Variants in FAM184B observed in about 807,000 individuals in gnomAD.
The protein encoded by FAM184B is family with sequence similarity 184 member B.
FAM184B carries 111 observed loss-of-function variants against 135.9 expected under a neutral mutation model. The ratio of observed to expected loss-of-function variants is 0.82; its 90% CI spans 0.70 to 0.96. The LOEUF (loss-of-function observed/expected upper bound fraction) is 0.96, where lower values mean the gene tolerates loss of function less well. FAM184B is among the 40% of genes least tolerant of loss of function. FAM184B has a pLI of 0.00. For missense variants in FAM184B, 1,375 were observed against 1,323.9 expected, an observed-to-expected ratio of 1.04 and a Z score of -0.60; for synonymous variants, 552 against 524.8, an observed-to-expected ratio of 1.05 and a Z score of -0.71.
chr4:17,731,698 A>T (rs1030435268), intron 1 of FAM184B, among the ~76,000 whole-genome samples: 1 of 152,224 alleles, frequency 6.6e-6, no homozygotes, highest in African/African-American at 2.4e-5. Context: ...GTGACCTACA[A>T]AGAGACTTAG....
At position 17,709,507 on chromosome 4, in the gene FAM184B, C is replaced by T. The variant is rs1389527525; in HGVS notation, c.279G>A (p.Glu93=). 9 of 1,550,804 alleles carry T rather than the reference C, an allele frequency of 5.8e-6. No individual in the cohort carries two copies. Among genetic ancestry groups the T allele is most frequent in the Middle Eastern group, 1.7e-4 (1 of 5,966 alleles). The change falls in exon 2 of 18, where the codon GAG becomes GAA. Residue 93 remains glutamate, a synonymous_variant. Transcript: ENST00000265018. ...GGATGCGCTGTAGAAGGGCTTCCTCCTCTGCGCAGCCCTGTTCCTGCAGGA... is the reference window on the plus strand; with the variant it reads ...GGATGCGCTGTAGAAGGGCTTCCTCTTCTGCGCAGCCCTGTTCCTGCAGGA... ...ARLLQEQGCA[E]EEALLQRIQA...
At chr4:17,712,765 G>A (rs1717309578) in intron 1 of FAM184B, among the ~76,000 whole-genome samples, 1 of 151,998 alleles carries the variant, frequency 6.6e-6, no homozygotes, top group Non-Finnish European at 1.5e-5. Flanking sequence ...AGCTTTGTAT[G>A]GCTTTAAAAA....
At chr4:17,761,756 T>C (rs1389188386) in intron 1 of FAM184B, among the ~76,000 whole-genome samples, 1 of 152,124 alleles carries the variant, frequency 6.6e-6, no homozygotes, top group African/African-American at 2.4e-5. Flanking sequence ...CCTGACCTCA[T>C]GTGATCCACC....
rs777100610 is a variant in FAM184B at position 17,707,655 on chromosome 4, G to T, written c.1024C>A (p.Gln342Lys). The T allele has an allele frequency of 1.2e-5, 18 of 1,551,730 alleles. No homozygotes were observed. In the South Asian group the frequency reaches 1.4e-4, roughly 12 times the overall value. ...MMLQECRGTQ[Q>K]TDAMKTELVS... Reference sequence around the variant, plus strand: ...TCATTCCAGGGCATCTCACCTGTCTGCTGTGTCCCACGACACTCCTGCAGC... The same window carrying T: ...TCATTCCAGGGCATCTCACCTGTCTTCTGTGTCCCACGACACTCCTGCAGC... The change falls in exon 3 of 18, where the codon CAG (glutamine) becomes AAG (lysine). Residue 342 changes from glutamine (Q) to lysine (K), a missense_variant. By Grantham distance (53) the Gln-to-Lys change is moderately conservative. Transcript: ENST00000265018.
chr4:17,718,176 A>C (rs1459329597), intron 1 of FAM184B, among the ~76,000 whole-genome samples: 2 of 152,098 alleles, frequency 1.3e-5, no homozygotes, highest in African/African-American at 4.8e-5. Context: ...CCTTCACAGC[A>C]CTCTTAAGCA....
intron 1 of FAM184B, among the ~76,000 whole-genome samples, chr4:17,765,179 T>A (rs1324007312): frequency 6.6e-6 from 1 of 152,232 alleles, no homozygotes; most frequent in East Asian, 1.9e-4. Flanking sequence ...GCTTTTAAAA[T>A]GGCAAGCTTT....
At position 17,652,916 on chromosome 4, in the gene FAM184B, A is replaced by G; in HGVS notation, c.2105T>C (p.Leu702Pro). 1.3e-6 allele frequency: 2 copies of G among 1,551,740 alleles called. No homozygotes were observed. The highest frequency in any genetic ancestry group is 1.7e-6 in the Non-Finnish European group (2 of 1,146,998). The change falls in exon 11 of 18, where the codon CTG becomes CCG. Residue 702 changes from leucine (L) to proline (P), a missense_variant. Physicochemically the swap from Leu to Pro is moderately conservative, Grantham distance 98 (BLOSUM62 -3). Coordinates refer to ENST00000265018, the MANE Select transcript of FAM184B (RefSeq NM_015688.2). The stretch of plus-strand genomic sequence containing the variant: ...CTTTTCCTCCAAGGCCTGGAGCTCC[A>G]GTCGGTGTGTCTGGTGTTGGATCTG... ...SLQIQHQTHRLELQALEEKAR... is the reference protein window; with the variant it reads ...SLQIQHQTHRPELQALEEKAR...
chr4:17,683,802 G>A (rs1442600657), intron 7 of FAM184B, among the ~76,000 whole-genome samples: 1 of 152,064 alleles, frequency 6.6e-6, no homozygotes, highest in Non-Finnish European at 1.5e-5. Flanking sequence ...CTGGCCAGAC[G>A]CAGTGGTTCA....
chr4:17,727,456 T>C (rs1172354272), intron 1 of FAM184B, among the ~76,000 whole-genome samples: 1 of 152,206 alleles, frequency 6.6e-6, no homozygotes, highest in Non-Finnish European at 1.5e-5. Context: ...GCTATAAAGA[T>C]ACTAGCTGAG....
chr4:17,648,026 C>T (rs1221296165), intron 11 of FAM184B, among the ~76,000 whole-genome samples: 1 of 152,120 alleles, frequency 6.6e-6, no homozygotes, highest in African/African-American at 2.4e-5. Context: ...CCCCCACCCC[C>T]GCTTCATTTT....
chr4:17,675,412 C>T (rs1716290578), intron 7 of FAM184B, among the ~76,000 whole-genome samples: 1 of 152,144 alleles, frequency 6.6e-6, no homozygotes, highest in African/African-American at 2.4e-5. Context: ...ATCATACAGG[C>T]TTTATTGCTC....
rs764178928 is a variant in FAM184B at position 17,660,017 on chromosome 4, A to C, written c.1765T>G (p.Ser589Ala). The stretch of plus-strand genomic sequence containing the variant: ...TCCTCCTCTAGACGCTGGATTTTGG[A>C]TGTTTTCTCCTTCAACAAAGAGCCC... Reference protein sequence around the residue: ...PLGSLLKEKTSKIQRLEEDWQ... With the variant: ...PLGSLLKEKTAKIQRLEEDWQ... Residue 589 changes from serine to alanine, a missense_variant, in exon 9 of 18, where the codon TCC (serine) becomes GCC (alanine). Physicochemically the swap from Ser to Ala is moderately conservative, Grantham distance 99 (BLOSUM62 1). Transcript: ENST00000265018. 1.8e-5 allele frequency: 28 copies of C among 1,551,486 alleles called. No individual in the cohort carries two copies. Among genetic ancestry groups the C allele is most frequent in the Non-Finnish European group, 2.4e-5 (28 of 1,146,986 alleles).
intron 12 of FAM184B, among the ~76,000 whole-genome samples, chr4:17,644,524 A>C (rs1715411113): frequency 6.6e-6 from 1 of 152,254 alleles, no homozygotes; most frequent in African/African-American, 2.4e-5. Context: ...GGCCTTTGAC[A>C]AAATTCAACA....
intron 1 of FAM184B, among the ~76,000 whole-genome samples, chr4:17,764,995 G>A (rs1235494162): frequency 3.3e-5 from 5 of 152,180 alleles, no homozygotes; most frequent in Admixed American, 2.6e-4. Flanking sequence ...GAGCCCAGGA[G>A]GTCAAGCCTG....
intron 1 of FAM184B, among the ~76,000 whole-genome samples, chr4:17,712,433 G>A (rs1429287920): frequency 6.6e-6 from 1 of 152,138 alleles, no homozygotes; most frequent in Non-Finnish European, 1.5e-5. Context: ...TGGCTGCCTG[G>A]GGCATTTACA....
In FAM184B at chr4:17,639,246, T is replaced by C; in HGVS notation, c.2666+4A>G. 2 of 1,551,392 alleles carry C rather than the reference T, an allele frequency of 1.3e-6. No individual in the cohort carries two copies. The highest frequency in any genetic ancestry group is 1.7e-6 in the Non-Finnish European group (2 of 1,146,792). On this transcript the variant is annotated splice_donor_region_variant and intron_variant, in intron 14 of 17. Coordinates refer to ENST00000265018, the MANE Select transcript of FAM184B (RefSeq NM_015688.2). ...CCCTCCCTGGGGCCCGAGGCCTCAC[T>C]TACTCGGCTTCCAGGGCAGCCAGCC...
chr4:17,713,308 C>G (rs530252791), intron 1 of FAM184B, among the ~76,000 whole-genome samples: 3 of 152,218 alleles, frequency 2.0e-5, no homozygotes, highest in Non-Finnish European at 2.9e-5. Flanking sequence ...GAATCCAACA[C>G]TCTGTCATGG....
intron 1 of FAM184B, among the ~76,000 whole-genome samples, chr4:17,710,709 T>C (rs1440895373): frequency 6.6e-6 from 1 of 152,148 alleles, no homozygotes; most frequent in African/African-American, 2.4e-5. Flanking sequence ...TGTGAAGAAC[T>C]GAATGAAGGA....
At position 17,652,831 on chromosome 4, in the gene FAM184B, T is replaced by A. The variant is rs1399014897; in HGVS notation, c.2190A>T (p.Leu730=). 7 of 1,550,794 alleles carry A rather than the reference T, an allele frequency of 4.5e-6. No homozygotes were observed. Among genetic ancestry groups the A allele is most frequent in the Non-Finnish European group, 5.2e-6 (6 of 1,146,720 alleles). ...CTCAGTACACTATTGGGTGTATACC[T>A]AGCAGCAGGGCCTGCTGTGCCTGCA... ...ERMQAQQALL[L]ESLRQELSEQ... Residue 730 remains leucine (L), a splice_region_variant and synonymous_variant, in exon 11 of 18, where the codon CTA becomes CTT. Coordinates refer to ENST00000265018, the MANE Select transcript of FAM184B (RefSeq NM_015688.2).
Sources: allele counts gnomAD v4.1 joint callset (sites outside exome capture counted in the v4.1 genomes callset), GRCh38; gene constraint gnomAD v4.1.1; transcripts MANE v1.5; gene names NCBI Gene and HGNC (gene_info 2026-07-23, HGNC 2026-07-21).